ATP2B2: variants seen among roughly 807,000 people sequenced by gnomAD.
ATP2B2 encodes ATPase plasma membrane Ca2+ transporting 2, also known as plasma membrane calcium-transporting ATPase 2.
Under a neutral mutation model 120.0 loss-of-function variants are expected in ATP2B2, and 15 were observed. The ratio of observed to expected loss-of-function variants is 0.12; its 90% CI spans 0.08 to 0.19. The LOEUF (loss-of-function observed/expected upper bound fraction) is 0.19. ATP2B2 is among the 10% of genes least tolerant of loss of function. The pLI, the probability that ATP2B2 is intolerant of heterozygous loss-of-function variation, is 1.00. For missense variants in ATP2B2, 1,045 were observed against 1,719.8 expected, an observed-to-expected ratio of 0.61 and a Z score of 6.94; for synonymous variants, 694 against 700.3, an observed-to-expected ratio of 0.99 and a Z score of 0.14.
intron 1 of ATP2B2, among the ~76,000 whole-genome samples, chr3:10,502,607 GT>G (rs2066439457): frequency 6.6e-6 from 1 of 152,194 alleles, no homozygotes; most frequent in African/African-American, 2.4e-5. Flanking sequence ...TCCCAGCTAG[GT>G]GGCCTCAGAA....
chr3:10,558,224 G>C (rs1164292249), intron 2 of ATP2B2, among the ~76,000 whole-genome samples: 2 of 152,098 alleles, frequency 1.3e-5, no homozygotes, highest in African/African-American at 4.8e-5. Context: ...GGCTCTGATG[G>C]GGCTGACCCT....
At chr3:10,595,617 C>T (rs2068747524) in intron 2 of ATP2B2, among the ~76,000 whole-genome samples, 1 of 149,832 alleles carries the variant, frequency 6.7e-6, no homozygotes, top group Non-Finnish European at 1.5e-5. Context: ...GATCATTATA[C>T]CAAGTTGCCA....
intron 2 of ATP2B2, among the ~76,000 whole-genome samples, chr3:10,448,338 G>A (rs2063911192): frequency 6.6e-6 from 1 of 152,192 alleles, no homozygotes; most frequent in South Asian, 2.1e-4. Flanking sequence ...AGAAAACTGA[G>A]GCTCGGTGCA....
intron 1 of ATP2B2, among the ~76,000 whole-genome samples, chr3:10,466,602 T>C (rs1649162274): frequency 2.0e-5 from 3 of 152,190 alleles, no homozygotes; most frequent in Admixed American, 1.3e-4. Context: ...GGCTAACCTA[T>C]AGCAGAAACT....
At position 10,338,330 on chromosome 3, in the gene ATP2B2, A is replaced by C; in HGVS notation, c.3266T>G (p.Leu1089Arg). The C allele has an allele frequency of 6.2e-7, 1 of 1,613,938 alleles. No individual in the cohort carries two copies. The highest frequency in any genetic ancestry group is 8.5e-7 in the Non-Finnish European group (1 of 1,179,994). Residue 1089 changes from leucine (L) to arginine (R), a missense_variant, in exon 22 of 23, where the codon CTC becomes CGC. Coordinates refer to ENST00000360273, the MANE Select transcript of ATP2B2 (RefSeq NM_001001331.4). ...CCTGCCTGCCTCCTTGAGGAACTTG[A>C]GTCTGCTGGTCGGGATGGTGGCGAT... Reference protein sequence around the residue: ...QVIATIPTSRLKFLKEAGRLT... With the variant: ...QVIATIPTSRRKFLKEAGRLT...
intron 2 of ATP2B2, among the ~76,000 whole-genome samples, chr3:10,551,273 G>A (rs764738972): frequency 6.6e-6 from 1 of 152,202 alleles, no homozygotes; most frequent in Non-Finnish European, 1.5e-5. Flanking sequence ...TGAATTCAGT[G>A]GGGGAAAGAT....
At chr3:10,566,517 A>G (rs991550554) in intron 2 of ATP2B2, 1 of 152,274 alleles carries the variant, frequency 6.6e-6, no homozygotes, top group East Asian at 1.9e-4. Context: ...TATAACAACA[A>G]GATGTGCTTT....
intron 1 of ATP2B2, among the ~76,000 whole-genome samples, chr3:10,656,292 A>T (rs908531064): frequency 6.6e-6 from 1 of 152,206 alleles, no homozygotes; most frequent in Non-Finnish European, 1.5e-5. Flanking sequence ...CCCTTAAGAC[A>T]GGATGGGGTC....
At chr3:10,423,029 G>A (rs982443203) in intron 2 of ATP2B2, among the ~76,000 whole-genome samples, 13 of 152,160 alleles carry the variant, frequency 8.5e-5, no homozygotes, top group African/African-American at 3.1e-4. Context: ...TAGAAGCTGT[G>A]AAAACATCAA....
intron 3 of ATP2B2, among the ~76,000 whole-genome samples, chr3:10,517,658 T>G (rs1322110598): frequency 1.3e-5 from 2 of 152,188 alleles, no homozygotes; most frequent in African/African-American, 2.4e-5. Flanking sequence ...GTAAACTCAC[T>G]GAATCCGTGC....
At chr3:10,588,816 T>C (rs148091972) in intron 2 of ATP2B2, among the ~76,000 whole-genome samples, 1 of 152,152 alleles carries the variant, frequency 6.6e-6, no homozygotes, top group African/African-American at 2.4e-5. Context: ...AGAGGTTAAG[T>C]GACTGGAAAT....
At chr3:10,663,733 G>A (rs1559510426) in intron 1 of ATP2B2, among the ~76,000 whole-genome samples, 1 of 152,250 alleles carries the variant, frequency 6.6e-6, no homozygotes, top group South Asian at 2.1e-4. Flanking sequence ...GGTCCAAGCT[G>A]AGCCCACTGA....
intron 1 of ATP2B2, among the ~76,000 whole-genome samples, chr3:10,504,001 C>T (rs2066499605): frequency 6.6e-6 from 1 of 152,158 alleles, no homozygotes; most frequent in Non-Finnish European, 1.5e-5. Flanking sequence ...ATGGGCATTC[C>T]ATATGTGTAT....
At chr3:10,383,916 C>T (rs1479647657) in intron 8 of ATP2B2, among the ~76,000 whole-genome samples, 1 of 152,166 alleles carries the variant, frequency 6.6e-6, no homozygotes, top group East Asian at 1.9e-4. Context: ...AGGCTCACTG[C>T]CGGGGTGAAG....
At chr3:10,383,078 T>G (rs184219528) in intron 8 of ATP2B2, among the ~76,000 whole-genome samples, 1 of 150,416 alleles carries the variant, frequency 6.6e-6, no homozygotes, top group African/African-American at 2.4e-5. Context: ...TTTTAATTTT[T>G]ATTTTATTAT....
chr3:10,447,685 C>T (rs765898845), intron 2 of ATP2B2, among the ~76,000 whole-genome samples: 6 of 152,178 alleles, frequency 3.9e-5, no homozygotes, highest in East Asian at 1.9e-4. Context: ...GAGGGGAGCA[C>T]GGACCATTCT....
At position 10,328,425 on chromosome 3, in the gene ATP2B2, A is replaced by G. The variant is rs2059898189; in HGVS notation, c.*389T>C. On this transcript the variant is annotated 3_prime_UTR_variant, in exon 23 of 23. Transcript: ENST00000360273. ...CGCCTAAGAAAACAAACAAACAAAC[A>G]AAAACCCCTCCCCAACCCCCAAAAA... is the stretch of plus-strand genomic sequence containing the variant. 1 of 198,920 alleles carries G rather than the reference A, an allele frequency of 5.0e-6. No individual in the cohort carries two copies. Among genetic ancestry groups the G allele is most frequent in the Admixed American group, 5.3e-5 (1 of 18,922 alleles). The allele number at this position is 198,920 out of a possible 1,614,324, so 12.3% of individuals were successfully genotyped here. A position where few individuals can be genotyped will look rare whatever the true frequency, so the allele number is the denominator to read the frequency against.
chr3:10,588,038 C>G (rs1180129619), intron 2 of ATP2B2, among the ~76,000 whole-genome samples: 2 of 152,210 alleles, frequency 1.3e-5, no homozygotes, highest in African/African-American at 4.8e-5. Flanking sequence ...GAGGAGTATT[C>G]TCTCGTGGAT....
At chr3:10,670,108 C>A (rs960171490) in intron 1 of ATP2B2, among the ~76,000 whole-genome samples, 2 of 152,128 alleles carry the variant, frequency 1.3e-5, no homozygotes, top group Non-Finnish European at 2.9e-5. Context: ...GAGTGTGATG[C>A]AGTTGCTTAA....
Sources: allele counts gnomAD v4.1 joint callset (sites outside exome capture counted in the v4.1 genomes callset), GRCh38; gene constraint gnomAD v4.1.1; transcripts MANE v1.5; gene names NCBI Gene and HGNC (gene_info 2026-07-23, HGNC 2026-07-21).